MYO5A: variants seen among roughly 807,000 people sequenced by gnomAD.
MYO5A encodes the protein unconventional myosin-Va.
MYO5A carries 98 observed loss-of-function variants against 249.7 expected under a neutral mutation model. That is an observed-to-expected ratio of 0.39 (90% CI 0.33 to 0.46). The LOEUF (loss-of-function observed/expected upper bound fraction) is 0.46, where lower values mean the gene tolerates loss of function less well. Ranked by LOEUF, MYO5A falls within the 20% of genes least tolerant of loss-of-function variation. The probability of loss-of-function intolerance (pLI) is 0.98; values close to 1 mark genes in which losing one functional copy is unlikely to be tolerated. For missense variants in MYO5A, 1,696 were observed against 2,308.8 expected (o/e 0.73, Z 5.44); for synonymous variants, 778 against 810.6 (o/e 0.96, Z 0.68).
intron 1 of MYO5A, among the ~76,000 whole-genome samples, chr15:52,436,454 T>C (rs931644392): frequency 7.9e-5 from 12 of 152,250 alleles, no homozygotes; most frequent in South Asian, 4.1e-4. Context: ...TTCTCACTTA[T>C]ATGATAGCTC....
chr15:52,378,567 A>T (rs1384765110), intron 18 of MYO5A, among the ~76,000 whole-genome samples: 4 of 120,720 alleles, frequency 3.3e-5, no homozygotes, highest in Non-Finnish European at 5.4e-5. Flanking sequence ...AGCCCCAGTT[A>T]AAAAAAAAAA....
In MYO5A at chr15:52,528,874, G is replaced by A; in HGVS notation, c.-68C>T. 2.1e-6 allele frequency: 3 copies of A among 1,403,648 alleles called. No homozygotes were observed. Among genetic ancestry groups the A allele is most frequent in the Non-Finnish European group, 2.8e-6 (3 of 1,080,820 alleles). 86.9% of individuals were successfully genotyped at this position (1,403,648 alleles called of 1,614,324 possible). On this transcript the variant is annotated 5_prime_UTR_variant, in exon 1 of 42. Coordinates refer to ENST00000399233, the MANE Select transcript of MYO5A (RefSeq NM_001382347.1). ...GCACCTCGCCTGGGCGGCCGCCCGAGCGGACTAGGAAGCGCCCGCAGCCGC... is the reference window on the plus strand; with the variant it reads ...GCACCTCGCCTGGGCGGCCGCCCGAACGGACTAGGAAGCGCCCGCAGCCGC...
intron 1 of MYO5A, among the ~76,000 whole-genome samples, chr15:52,516,899 C>G (rs2077507568): frequency 1.3e-5 from 2 of 152,126 alleles, no homozygotes; most frequent in Non-Finnish European, 2.9e-5. Flanking sequence ...CATGTTTTTT[C>G]TCTTTTTAAA....
intron 1 of MYO5A, among the ~76,000 whole-genome samples, chr15:52,516,608 C>T (rs1406813752): frequency 2.0e-5 from 3 of 152,194 alleles, no homozygotes; most frequent in Admixed American, 1.3e-4. Context: ...ACCTGAAGGC[C>T]TCACTAATCC....
intron 1 of MYO5A, among the ~76,000 whole-genome samples, chr15:52,499,033 C>T (rs1157014712): frequency 1.3e-5 from 2 of 152,166 alleles, no homozygotes; most frequent in Non-Finnish European, 2.9e-5. Context: ...AGATTCTAGG[C>T]TTTGTGGGGC....
chr15:52,418,174 T>C (rs1343612515), intron 4 of MYO5A, among the ~76,000 whole-genome samples: 1 of 152,020 alleles, frequency 6.6e-6, no homozygotes, highest in Admixed American at 6.5e-5. Context: ...GAAAATGGAG[T>C]AATGACAGAT....
chr15:52,489,741 A>G (rs2076897935), intron 1 of MYO5A, among the ~76,000 whole-genome samples: 1 of 152,218 alleles, frequency 6.6e-6, no homozygotes, highest in Non-Finnish European at 1.5e-5. Flanking sequence ...CTGTAACCTC[A>G]GCACTTTGGG....
intron 20 of MYO5A, among the ~76,000 whole-genome samples, 171 bp from the exon 21 acceptor site, chr15:52,372,534 T>C (rs2041181673): frequency 6.6e-6 from 1 of 152,184 alleles, no homozygotes. Context: ...GGCTACAAAA[T>C]TATTTTTAAA....
intron 12 of MYO5A, among the ~76,000 whole-genome samples, chr15:52,389,750 C>G (rs936489472): frequency 3.3e-5 from 5 of 152,046 alleles, no homozygotes; most frequent in Non-Finnish European, 7.3e-5. Context: ...GTCAGGAGTT[C>G]GAGATTAGCC....
At chr15:52,372,987 C>T (rs970740822) in intron 20 of MYO5A, among the ~76,000 whole-genome samples, 2 of 151,178 alleles carry the variant, frequency 1.3e-5, no homozygotes, top group African/African-American at 4.9e-5. Flanking sequence ...TAAAAGATGA[C>T]ACTCTTGTTT....
chr15:52,372,469 T>C (rs1024085383), intron 20 of MYO5A, 106 bp from the exon 21 acceptor site: 34 of 1,450,940 alleles, frequency 2.3e-5, no homozygotes, highest in Non-Finnish European at 2.7e-5. Context: ...GGAAAAGACA[T>C]AAAAGTTGAA....
chr15:52,442,800 G>C (rs1660291819), intron 1 of MYO5A, among the ~76,000 whole-genome samples: 1 of 146,512 alleles, frequency 6.8e-6, no homozygotes, highest in South Asian at 2.1e-4. Flanking sequence ...CTGTTGCCCA[G>C]GCTGGAGTGC....
chr15:52,410,202 A>T, intron 6 of MYO5A, 131 bp downstream of exon 6: 1 of 1,109,648 alleles, frequency 9.0e-7, no homozygotes, highest in East Asian at 2.4e-5. Flanking sequence ...CTTCAGTCCA[A>T]GTGTGGTTGG....
At chr15:52,501,380 G>A (rs1466641117) in intron 1 of MYO5A, among the ~76,000 whole-genome samples, 3 of 152,028 alleles carry the variant, frequency 2.0e-5, no homozygotes, top group South Asian at 4.1e-4. Context: ...AGGGAGGATC[G>A]CTTGAGCCCC....
Position 52,340,245 on chromosome 15 carries a change from A to G in MYO5A, c.4190T>C (p.Ile1397Thr), listed in dbSNP as rs781209056. Residue 1397 changes from isoleucine (I) to threonine (T), a missense_variant, in exon 32 of 42, where the codon ATT becomes ACT. Around this residue, in one of 5 missense-constraint regions of MYO5A, gnomAD observed 625 missense variants for 908.1 expected, o/e 0.69. Transcript: ENST00000399233. ...GATCTCGTGCTGCAGGCTGGCCTCAATGCGGGCCTCTGGGGGCAGCTGCAG... is the reference window on the plus strand; with the variant it reads ...GATCTCGTGCTGCAGGCTGGCCTCAGTGCGGGCCTCTGGGGGCAGCTGCAG... The part of the protein sequence containing the change: ...QNLQLPPEAR[I>T]EASLQHEITR... The G allele has an allele frequency of 8.7e-6, 14 of 1,613,970 alleles. No homozygotes were observed. Among genetic ancestry groups the G allele is most frequent in the East Asian group, 2.2e-5 (1 of 44,892 alleles).
At chr15:52,526,696 T>C (rs66755651) in intron 1 of MYO5A, among the ~76,000 whole-genome samples, 23,090 of 152,190 alleles carry the variant, frequency 0.15, 1,860 homozygotes, top group Middle Eastern at 0.22. Flanking sequence ...TCTCATTATG[T>C]TCCTCAGGCT....
chr15:52,491,741 T>C (rs1393746851), intron 1 of MYO5A, among the ~76,000 whole-genome samples: 2 of 152,208 alleles, frequency 1.3e-5, no homozygotes, highest in East Asian at 1.9e-4. Context: ...TCAGGATATA[T>C]GAAGGCATTG....
At chr15:52,419,465 C>T (rs891367990) in intron 4 of MYO5A, among the ~76,000 whole-genome samples, 2 of 152,140 alleles carry the variant, frequency 1.3e-5, no homozygotes, top group African/African-American at 2.4e-5. Flanking sequence ...AGCTGCTCTG[C>T]TCTCTGTGTC....
chr15:52,401,300 C>T (rs1398085090), intron 9 of MYO5A, among the ~76,000 whole-genome samples: 2 of 152,216 alleles, frequency 1.3e-5, no homozygotes, highest in African/African-American at 2.4e-5. Flanking sequence ...AAACTCTTAG[C>T]CTCAGGTGAT....
Sources: allele counts gnomAD v4.1 joint callset (sites outside exome capture counted in the v4.1 genomes callset), GRCh38; gene constraint gnomAD v4.1.1; regional missense constraint gnomAD v4.1.1; transcripts MANE v1.5; gene names NCBI Gene and HGNC (gene_info 2026-07-23, HGNC 2026-07-21).